Variants in KHDRBS2 observed in about 807,000 individuals in gnomAD.
The protein encoded by KHDRBS2 is KH RNA binding domain containing, signal transduction associated 2.
KHDRBS2 carries 26 observed loss-of-function variants against 44.3 expected under a neutral mutation model. That is an observed-to-expected ratio of 0.59 (90% CI 0.43 to 0.81). KHDRBS2 has a LOEUF of 0.81. Ranked by LOEUF, KHDRBS2 falls within the 40% of genes least tolerant of loss-of-function variation. The pLI is 0.00. For missense variants in KHDRBS2, 476 were observed against 433.1 expected (o/e 1.10, Z -0.88); for synonymous variants, 194 against 151.1 (o/e 1.28, Z -2.08).
At chr6:62,089,083 A>T (rs186568794) in intron 2 of KHDRBS2, among the ~76,000 whole-genome samples, 1 of 152,130 alleles carries the variant, frequency 6.6e-6, no homozygotes, top group African/African-American at 2.4e-5. Flanking sequence ...ACCAAGCTGG[A>T]GCATCCCAGG....
At chr6:62,214,373 T>G (rs1207471388) in intron 1 of KHDRBS2, among the ~76,000 whole-genome samples, 1 of 152,140 alleles carries the variant, frequency 6.6e-6, no homozygotes, top group Non-Finnish European at 1.5e-5. Flanking sequence ...ATACTAAGAA[T>G]CATGACCCTA....
intron 1 of KHDRBS2, among the ~76,000 whole-genome samples, chr6:62,205,022 C>T (rs112766762): frequency 4.6e-5 from 7 of 152,218 alleles, no homozygotes; most frequent in Admixed American, 3.3e-4. Flanking sequence ...TAACGAAGAT[C>T]ATATCTTCTT....
intron 4 of KHDRBS2, among the ~76,000 whole-genome samples, chr6:61,914,623 C>T (rs944620227): frequency 1.3e-5 from 2 of 151,982 alleles, no homozygotes; most frequent in African/African-American, 4.8e-5. Flanking sequence ...GAAACCTGCA[C>T]GTTGTGCACA....
At chr6:61,912,933 C>T (rs762676862) in intron 4 of KHDRBS2, among the ~76,000 whole-genome samples, 21 of 152,122 alleles carry the variant, frequency 1.4e-4, no homozygotes, top group East Asian at 3.9e-4. Context: ...GCAACCACAA[C>T]GCCTGCTCTC....
At chr6:61,954,597 CACAT>C (rs1283903937) in intron 4 of KHDRBS2, among the ~76,000 whole-genome samples, 1 of 136,922 alleles carries the variant, frequency 7.3e-6, no homozygotes, top group African/African-American at 2.8e-5. Context: ...TGTATATATA[CACAT>C]ACATACTTAT....
intron 8 of KHDRBS2, among the ~76,000 whole-genome samples, chr6:61,696,237 T>TTTTA (rs10527202): frequency 0.27 from 39,741 of 145,972 alleles, 5,554 homozygotes; most frequent in Admixed American, 0.31. Context: ...CATATATGTA[T>TTTTA]TTTATTTATT....
chr6:62,254,029 C>T (rs1836976510), intron 1 of KHDRBS2, among the ~76,000 whole-genome samples: 1 of 151,978 alleles, frequency 6.6e-6, no homozygotes, highest in South Asian at 2.1e-4. Context: ...TCCACAACAT[C>T]ACTGTTGACA....
At chr6:61,787,054 T>A (rs1278911019) in intron 6 of KHDRBS2, among the ~76,000 whole-genome samples, 2 of 148,888 alleles carry the variant, frequency 1.3e-5, no homozygotes, top group African/African-American at 2.4e-5. Context: ...TAATTATATA[T>A]AAATATGTAT....
intron 2 of KHDRBS2, among the ~76,000 whole-genome samples, chr6:62,091,019 G>C (rs1272125497): frequency 1.3e-5 from 2 of 152,122 alleles, no homozygotes; most frequent in Non-Finnish European, 2.9e-5. Flanking sequence ...ACTGTAATTG[G>C]GAATGTCAGG....
chr6:62,273,935 ATTC>A (rs1359469622), intron 1 of KHDRBS2, among the ~76,000 whole-genome samples: 1 of 151,772 alleles, frequency 6.6e-6, no homozygotes, highest in Non-Finnish European at 1.5e-5. Context: ...TTTTACTTGA[ATTC>A]TTTTATTTTT....
intron 6 of KHDRBS2, among the ~76,000 whole-genome samples, chr6:61,819,497 T>C (rs1425725054): frequency 6.6e-6 from 1 of 151,998 alleles, no homozygotes; most frequent in East Asian, 1.9e-4. Flanking sequence ...TGTATACAGA[T>C]ATATCTATAA....
intron 6 of KHDRBS2, among the ~76,000 whole-genome samples, chr6:61,825,501 T>C (rs1303738306): frequency 6.6e-6 from 1 of 152,220 alleles, no homozygotes; most frequent in Admixed American, 6.5e-5. Context: ...TTTTTGTAGT[T>C]AGTTTGATTT....
At chr6:61,890,584 T>C (rs989679137) in intron 6 of KHDRBS2, among the ~76,000 whole-genome samples, 5 of 152,232 alleles carry the variant, frequency 3.3e-5, no homozygotes, top group African/African-American at 1.2e-4. Context: ...TTTTAAAAAC[T>C]GATCTGTTTA....
chr6:62,084,197 G>A (rs555403376), intron 2 of KHDRBS2, among the ~76,000 whole-genome samples: 8 of 152,234 alleles, frequency 5.3e-5, no homozygotes, highest in East Asian at 1.9e-4. Flanking sequence ...ACTGAAGGAG[G>A]GGGGATGAAT....
At chr6:61,560,788 A>T in the KHDRBS2 span, among the ~76,000 whole-genome samples, 20 of 152,138 alleles carry the variant, frequency 1.3e-4, no homozygotes, top group Admixed American at 5.9e-4. Context: ...AAGGTCACTT[A>T]TCTCTGTCTG....
chr6:61,768,999 C>T (rs1780421335), intron 6 of KHDRBS2, among the ~76,000 whole-genome samples: 1 of 152,028 alleles, frequency 6.6e-6, no homozygotes, highest in South Asian at 2.1e-4. Context: ...ATTGCCAGTC[C>T]TTTTTGATTT....
chr6:61,898,341 C>G (rs993121618), intron 5 of KHDRBS2, among the ~76,000 whole-genome samples: 1 of 151,740 alleles, frequency 6.6e-6, no homozygotes. Flanking sequence ...GTATCGAGCA[C>G]TTACTAAATA....
chr6:61,987,891 C>A (rs1171156928), intron 3 of KHDRBS2, among the ~76,000 whole-genome samples: 1 of 152,160 alleles, frequency 6.6e-6, no homozygotes, highest in Admixed American at 6.6e-5. Context: ...GCCATCCATA[C>A]TCCAAATGGT....
chr6:61,655,250 ACACACACACACT>A, the KHDRBS2 span, among the ~76,000 whole-genome samples: 24 of 149,528 alleles, frequency 1.6e-4, no homozygotes, highest in South Asian at 8.5e-4. Flanking sequence ...ACACACACAC[ACACACACACACT>A]ATTTATTTCT....
Sources: allele counts gnomAD v4.1 joint callset (sites outside exome capture counted in the v4.1 genomes callset), GRCh38; gene constraint gnomAD v4.1.1; transcripts MANE v1.5; gene names NCBI Gene and HGNC (gene_info 2026-07-23, HGNC 2026-07-21).